ME2: variants seen among roughly 807,000 people sequenced by gnomAD.
ME2 encodes the protein NAD-dependent malic enzyme, mitochondrial.
ME2 carries 60 observed loss-of-function variants against 73.7 expected under a neutral mutation model. That is an observed-to-expected ratio of 0.81 (90% confidence interval 0.66 to 1.01). ME2 has a LOEUF of 1.01. Ranked by LOEUF, ME2 falls within the 50% of genes least tolerant of loss-of-function variation. The probability of loss-of-function intolerance (pLI) is 0.00; values close to 1 mark genes in which losing one functional copy is unlikely to be tolerated. For missense variants in ME2, 594 were observed against 705.5 expected (o/e 0.84, Z 1.79); for synonymous variants, 199 against 236.9 (o/e 0.84, Z 1.47).
At position 50,952,970 on chromosome 18, in the gene ME2, T is replaced by C. The variant is rs1261857977; in HGVS notation, c.*5786T>C. ...GTTAAATGACTTGTCAAAGGTCTTA[T>C]GATGTGTGGCAGAGCCTGGGTTTTT... On this transcript the variant is annotated 3_prime_UTR_variant, in exon 16 of 16. Transcript: ENST00000321341. 6.6e-6 allele frequency: 1 copy of C among 152,216 alleles called. No homozygotes were observed. Among genetic ancestry groups the C allele is most frequent in the Non-Finnish European group, 1.5e-5 (1 of 68,034 alleles). The allele number at this position is 152,216 out of a possible 1,614,324, so 9.4% of individuals were successfully genotyped here. A position where few individuals can be genotyped will look rare whatever the true frequency, so the allele number is the denominator to read the frequency against.
intron 1 of ME2, among the ~76,000 whole-genome samples, chr18:50,894,004 T>C (rs1568159904): frequency 6.6e-6 from 1 of 152,244 alleles, no homozygotes; most frequent in Non-Finnish European, 1.5e-5. Flanking sequence ...CTATGACTAT[T>C]TAATATGAGT....
chr18:50,924,062 G>A (rs377492055), intron 10 of ME2, 36 bp from the exon 11 acceptor site: 376 of 1,334,252 alleles, frequency 2.8e-4, no homozygotes, highest in Middle Eastern at 7.3e-4. Context: ...AATATGCATT[G>A]ACTAAAAAAA....
Position 50,908,055 on chromosome 18 carries a change from C to A in ME2, c.109-8C>A. On this transcript the variant is annotated splice_polypyrimidine_tract_variant and splice_region_variant and intron_variant, in intron 2 of 15. Transcript: ENST00000321341. ...ATAATTTTTAATCCTTTTATTTCTC[C>A]TCTTTAGGGAATGGCATTTACTTTA... The A allele has an allele frequency of 6.5e-7, 1 of 1,534,650 alleles. No individual in the cohort carries two copies. The highest frequency in any genetic ancestry group is 8.8e-7 in the Non-Finnish European group (1 of 1,141,174).
At chr18:50,893,347 A>G (rs945416696) in intron 1 of ME2, among the ~76,000 whole-genome samples, 5 of 152,186 alleles carry the variant, frequency 3.3e-5, no homozygotes, top group African/African-American at 1.2e-4. Context: ...CTGCTACACT[A>G]TTACGGCTAT....
chr18:50,890,193 A>T (rs894571620), intron 1 of ME2, among the ~76,000 whole-genome samples: 1 of 152,196 alleles, frequency 6.6e-6, no homozygotes, highest in African/African-American at 2.4e-5. Flanking sequence ...TCAAAAGGCA[A>T]ACTATAATAT....
chr18:50,925,854 G>T lies in ME2; in HGVS notation c.1270G>T (p.Ala424Ser). 1 of 1,611,394 alleles carries T rather than the reference G, an allele frequency of 6.2e-7. No homozygotes were observed. The highest frequency in any genetic ancestry group is 8.5e-7 in the Non-Finnish European group (1 of 1,177,548). Reference sequence around the variant, plus strand: ...AATATTTGCATTAAGTAATCCTACAGCACAGGCAGAGTGCACGGCTGAAGA... The same window carrying T: ...AATATTTGCATTAAGTAATCCTACATCACAGGCAGAGTGCACGGCTGAAGA... ...PVIFALSNPT[A>S]QAECTAEEAY... Residue 424 changes from alanine to serine, a missense_variant, in exon 12 of 16, where the codon GCA (alanine) becomes TCA (serine). By Grantham distance (99) the Ala-to-Ser change is moderately conservative. Coordinates refer to ENST00000321341, the MANE Select transcript of ME2 (RefSeq NM_002396.5).
At chr18:50,885,319 A>G (rs1292874148) in intron 1 of ME2, among the ~76,000 whole-genome samples, 3 of 152,200 alleles carry the variant, frequency 2.0e-5, no homozygotes, top group Admixed American at 6.5e-5. Flanking sequence ...CCAAGAGTTC[A>G]AGACCAGCCT....
chr18:50,937,441 G>A (rs1301781772), intron 13 of ME2, among the ~76,000 whole-genome samples: 1 of 152,192 alleles, frequency 6.6e-6, no homozygotes, highest in African/African-American at 2.4e-5. Flanking sequence ...CCACCCTCAT[G>A]CTCATAGCTT....
intron 1 of ME2, among the ~76,000 whole-genome samples, chr18:50,885,789 T>G (rs1394261009): frequency 2.0e-5 from 3 of 152,168 alleles, no homozygotes; most frequent in Non-Finnish European, 2.9e-5. Context: ...TAGAGCCAAC[T>G]GCTGGTACTT....
intron 1 of ME2, among the ~76,000 whole-genome samples, chr18:50,887,128 G>C (rs572036207): frequency 6.6e-6 from 1 of 152,320 alleles, no homozygotes; most frequent in African/African-American, 2.4e-5. Flanking sequence ...CCCTGACGTA[G>C]GTGCTCAATA....
Position 50,899,886 on chromosome 18 carries a change from A to G in ME2, c.108+3958A>G, listed in dbSNP as rs1411007902. On this transcript the variant is annotated intron_variant, in intron 2 of 15. Transcript: ENST00000321341. ...TACTTAGCACACACAGAGCCTCAGT[A>G]CATGCTGGGTAGATGGATGAATGCA... 2.6e-5 allele frequency among the ~76,000 whole-genome samples: 4 copies of G among 152,242 alleles called. No homozygotes were observed. The East Asian group carries it at 7.7e-4, about 29-fold the overall frequency.
intron 1 of ME2, among the ~76,000 whole-genome samples, chr18:50,893,124 C>CAAAAAA (rs56104427): frequency 1.7e-4 from 13 of 78,092 alleles, no homozygotes; most frequent in African/African-American, 5.3e-4. Flanking sequence ...GACTCTATCT[C>CAAAAAA]AAAAAAAAAA....
At chr18:50,941,762 C>T (rs1322798543) in intron 15 of ME2, among the ~76,000 whole-genome samples, 1 of 150,310 alleles carries the variant, frequency 6.7e-6, no homozygotes, top group African/African-American at 2.5e-5. Context: ...TGCATATTGT[C>T]AAATGAGCTC....
At chr18:50,903,263 GC>G (rs1916933693) in intron 2 of ME2, among the ~76,000 whole-genome samples, 1 of 152,124 alleles carries the variant, frequency 6.6e-6, no homozygotes, top group Non-Finnish European at 1.5e-5. Flanking sequence ...ATTAACACCA[GC>G]CTAGCAAATT....
chr18:50,884,071 T>C (rs187274350), intron 1 of ME2, among the ~76,000 whole-genome samples: 1 of 152,314 alleles, frequency 6.6e-6, no homozygotes, highest in Non-Finnish European at 1.5e-5. Flanking sequence ...TGTCTGTTTC[T>C]GTCTGTAAGT....
Position 50,941,353 on chromosome 18 carries a change from C to CTTTTTTTTTTTTTTTT in ME2, c.1587+983_1587+998dup, listed in dbSNP as rs57428974. Reference sequence around the variant, plus strand: ...TCTTTGTGTGTATTTGTGATGGTTTCTTTTTTTTTTTTTTTTTTTTTTTTT... The same window carrying CTTTTTTTTTTTTTTTT: ...TCTTTGTGTGTATTTGTGATGGTTTCTTTTTTTTTTTTTTTTTTTTTTTTTTTTTTTTTTTTTTTTT... On this transcript the variant is annotated intron_variant, in intron 15 of 15. Transcript: ENST00000321341. Among the ~76,000 whole-genome samples the CTTTTTTTTTTTTTTTT allele has an allele frequency of 6.3e-4, 40 of 63,820 alleles. 6 individuals are homozygous for CTTTTTTTTTTTTTTTT. The highest frequency in any genetic ancestry group is 0.022 in the Middle Eastern group (1 of 46). 41.9% of individuals were successfully genotyped at this position (63,820 alleles called of 152,430 possible).
chr18:50,888,253 G>A (rs1188563921), intron 1 of ME2, among the ~76,000 whole-genome samples: 3 of 152,002 alleles, frequency 2.0e-5, no homozygotes, highest in African/African-American at 7.3e-5. Context: ...GCTGAGGTGG[G>A]AGGATTGCTT....
intron 15 of ME2, among the ~76,000 whole-genome samples, chr18:50,942,161 C>T (rs940880990): frequency 6.6e-6 from 1 of 151,994 alleles, no homozygotes; most frequent in African/African-American, 2.4e-5. Context: ...TTTTTAATCT[C>T]TCTGGGATTT....
At chr18:50,919,658 G>T (rs966504677) in intron 7 of ME2, among the ~76,000 whole-genome samples, 7 of 151,922 alleles carry the variant, frequency 4.6e-5, no homozygotes, top group Non-Finnish European at 4.4e-5. Flanking sequence ...CCTCCTAGTT[G>T]CTTCTGCCAC....
Sources: allele counts gnomAD v4.1 joint callset (sites outside exome capture counted in the v4.1 genomes callset), GRCh38; gene constraint gnomAD v4.1.1; transcripts MANE v1.5; gene names NCBI Gene and HGNC (gene_info 2026-07-23, HGNC 2026-07-21).